The following FLI1 variants were observed in gnomAD, a reference collection of about 807,000 sequenced individuals.
FLI1 encodes the protein Fli-1 proto-oncogene, ETS transcription factor.
FLI1 carries 13 observed loss-of-function variants against 53.1 expected under a neutral mutation model. The ratio of observed to expected loss-of-function variants is 0.24; its 90% CI spans 0.16 to 0.39. The LOEUF (loss-of-function observed/expected upper bound fraction) is 0.39, where lower values mean the gene tolerates loss of function less well. Ranked by LOEUF, FLI1 falls within the 10% of genes least tolerant of loss-of-function variation. The probability of loss-of-function intolerance (pLI) is 1.00; values close to 1 mark genes in which losing one functional copy is unlikely to be tolerated. For synonymous variants in FLI1, 244 were observed against 236.7 expected (o/e 1.03, Z -0.28); for missense variants, 424 against 600.5 (o/e 0.71, Z 3.07).
At chr11:128,758,694 T>C (rs533155648) in intron 2 of FLI1, among the ~76,000 whole-genome samples, 27 of 152,244 alleles carry the variant, frequency 1.8e-4, no homozygotes, top group Non-Finnish European at 3.7e-4. Context: ...TTGAAGATAC[T>C]TAACCCCTCT....
At chr11:128,722,113 G>A (rs61907857) in intron 1 of FLI1, among the ~76,000 whole-genome samples, 2,759 of 152,246 alleles carry the variant, frequency 0.018, 43 homozygotes, top group Non-Finnish European at 0.029. Context: ...CTTGCCATGG[G>A]TTCACTCCTT....
At chr11:128,803,192 A>G (rs1342101004) in intron 5 of FLI1, among the ~76,000 whole-genome samples, 1 of 152,084 alleles carries the variant, frequency 6.6e-6, no homozygotes, top group Non-Finnish European at 1.5e-5. Flanking sequence ...TTCTGCTCCC[A>G]CTAGAATTAT....
chr11:128,736,763 A>G (rs1230344215), intron 1 of FLI1, among the ~76,000 whole-genome samples: 1 of 152,220 alleles, frequency 6.6e-6, no homozygotes. Context: ...TTTCTGCTAT[A>G]GTAGTATTTG....
intron 7 of FLI1, among the ~76,000 whole-genome samples, chr11:128,807,801 C>T (rs1333571158): frequency 1.3e-5 from 2 of 152,118 alleles, no homozygotes; most frequent in Non-Finnish European, 2.9e-5. Context: ...TCTAGCTGGG[C>T]TCAGTTCCAC....
At chr11:128,692,686 A>T (rs933615323), upstream of FLI1, 4 of 151,904 alleles carry the variant, frequency 2.6e-5, no homozygotes, top group Non-Finnish European at 4.4e-5. Context: ...CCCTTTTGAA[A>T]TTTTTTCTTC....
intron 3 of FLI1, among the ~76,000 whole-genome samples, chr11:128,768,670 T>C (rs1032401089): frequency 5.8e-5 from 7 of 121,384 alleles, no homozygotes; most frequent in Admixed American, 2.2e-4. Flanking sequence ...GCCTGGGTGA[T>C]GGAATGAGAC....
At chr11:128,696,172 C>G (rs1160494895) in intron 1 of FLI1, 1 of 152,206 alleles carries the variant, frequency 6.6e-6, no homozygotes, top group Non-Finnish European at 1.5e-5. Flanking sequence ...AGTGAAAGTC[C>G]TTCCTTTTTT....
At chr11:128,778,318 G>A (rs553089842) in intron 4 of FLI1, among the ~76,000 whole-genome samples, 9 of 152,130 alleles carry the variant, frequency 5.9e-5, no homozygotes, top group Non-Finnish European at 1.0e-4. Context: ...AGCACCTCCC[G>A]GGCCAAGGAG....
intron 1 of FLI1, among the ~76,000 whole-genome samples, chr11:128,724,607 G>A (rs1213032712): frequency 6.6e-6 from 1 of 152,136 alleles, no homozygotes; most frequent in East Asian, 1.9e-4. Context: ...TCTATCCCAA[G>A]CCCTCCTGCC....
At chr11:128,707,226 A>G (rs367688916) in intron 1 of FLI1, among the ~76,000 whole-genome samples, 1 of 152,218 alleles carries the variant, frequency 6.6e-6, no homozygotes, top group African/African-American at 2.4e-5. Context: ...GGAATCCTGA[A>G]GAAAAGATTC....
intron 1 of FLI1, among the ~76,000 whole-genome samples, chr11:128,721,190 G>A (rs1021510805): frequency 2.0e-5 from 3 of 152,148 alleles, no homozygotes; most frequent in Non-Finnish European, 4.4e-5. Context: ...CAGACAGCTG[G>A]AATGGTCAAG....
chr11:128,686,488 G>A (rs1217830365), upstream of FLI1: 3 of 455,730 alleles, frequency 6.6e-6, no homozygotes. Flanking sequence ...CCAACCACTC[G>A]GACCCTCCCT....
rs770937644 is a variant in FLI1, at chr11:128,781,992, C to T, written c.624C>T (p.Thr208=). The change falls in exon 5 of 9, where the codon ACC becomes ACT. Residue 208 remains threonine (T), a synonymous_variant. Coordinates refer to ENST00000527786, the MANE Select transcript of FLI1 (RefSeq NM_002017.5). ...TGGCCTATAATACAACCTCCCACAC[C>T]GACCAATCCTCACGATTGAGTGTCA... ...SLLAYNTTSH[T]DQSSRLSVKE... 3.0e-5 allele frequency: 48 copies of T among 1,613,786 alleles called. No individual in the cohort carries two copies. Among genetic ancestry groups the T allele is most frequent in the East Asian group, 6.7e-5 (3 of 44,896 alleles).
At chr11:128,773,131 G>C in intron 4 of FLI1, 146 bp downstream of exon 4, 2 of 731,042 alleles carry the variant, frequency 2.7e-6, no homozygotes, top group Non-Finnish European at 4.7e-6. Context: ...GGTCACGTGG[G>C]CTCCTACAGA....
chr11:128,710,262 G>T (rs954191514), intron 1 of FLI1, among the ~76,000 whole-genome samples: 2 of 152,088 alleles, frequency 1.3e-5, no homozygotes, highest in Non-Finnish European at 2.9e-5. Context: ...GATGAAGAAA[G>T]GAAAATGGAG....
chr11:128,737,342 A>C (rs532633906), intron 1 of FLI1, among the ~76,000 whole-genome samples: 1 of 152,338 alleles, frequency 6.6e-6, no homozygotes, highest in African/African-American at 2.4e-5. Context: ...GGGTTTTTAC[A>C]AACAAGGCTT....
upstream of FLI1, among the ~76,000 whole-genome samples, chr11:128,689,322 A>C (rs1217210258): frequency 6.6e-6 from 1 of 152,224 alleles, no homozygotes; most frequent in Non-Finnish European, 1.5e-5. Context: ...CCTAGCGCGC[A>C]GAGCATATAT....
intron 5 of FLI1, chr11:128,803,818 A>T (rs1942701195): frequency 6.6e-6 from 1 of 152,252 alleles, no homozygotes; most frequent in South Asian, 2.1e-4. Context: ...GAAAATGCCC[A>T]TCAGAGCCTT....
intron 5 of FLI1, among the ~76,000 whole-genome samples, chr11:128,786,710 C>T (rs569330713): frequency 1.2e-4 from 19 of 152,358 alleles, no homozygotes; most frequent in South Asian, 6.2e-4. Context: ...TCCCAGCACA[C>T]TCAGCTGGCC....
Sources: allele counts gnomAD v4.1 joint callset (sites outside exome capture counted in the v4.1 genomes callset), GRCh38; gene constraint gnomAD v4.1.1; transcripts MANE v1.5; gene names NCBI Gene and HGNC (gene_info 2026-07-23, HGNC 2026-07-21).